ARSJ: variants seen among roughly 807,000 people sequenced by gnomAD.
ARSJ encodes arylsulfatase family member J.
Under a neutral mutation model 35.9 loss-of-function variants are expected in ARSJ, and 26 were observed. That is an observed-to-expected ratio of 0.72 (90% CI 0.53 to 1.00). The LOEUF (loss-of-function observed/expected upper bound fraction) is 1.00, where lower values mean the gene tolerates loss of function less well. Among genes scored for constraint, ARSJ ranks in the 50% least tolerant of loss-of-function variants. The pLI is 0.00. For synonymous variants in ARSJ, 294 were observed against 267.6 expected (o/e 1.10, Z -0.96); for missense variants, 667 against 723.6 (o/e 0.92, Z 0.90).
intron 1 of ARSJ, among the ~76,000 whole-genome samples, chr4:113,971,337 C>T (rs932750112): frequency 3.9e-5 from 6 of 152,298 alleles, no homozygotes; most frequent in Non-Finnish European, 8.8e-5. Flanking sequence ...CACAAGACAT[C>T]GTCAGCCTTC....
chr4:113,913,472 T>A (rs912188021), intron 1 of ARSJ, among the ~76,000 whole-genome samples: 1 of 152,126 alleles, frequency 6.6e-6, no homozygotes, highest in Admixed American at 6.6e-5. Flanking sequence ...AGACCCATAC[T>A]TCAAAAAAAT....
intron 1 of ARSJ, 45 bp from the exon 2 acceptor site, chr4:113,903,720 G>T: frequency 6.5e-7 from 1 of 1,527,036 alleles, no homozygotes; most frequent in South Asian, 1.3e-5. Flanking sequence ...GGATAAAAGA[G>T]ATATTCTACA....
At chr4:113,945,569 T>G (rs1725425616) in intron 1 of ARSJ, among the ~76,000 whole-genome samples, 1 of 152,102 alleles carries the variant, frequency 6.6e-6, no homozygotes, top group South Asian at 2.1e-4. Context: ...CAAATAGAAT[T>G]GATCCTAAGA....
intron 1 of ARSJ, among the ~76,000 whole-genome samples, chr4:113,954,170 A>G (rs2149276709): frequency 6.6e-6 from 1 of 152,158 alleles, no homozygotes; most frequent in East Asian, 1.9e-4. Flanking sequence ...GAATATATCC[A>G]TTACATATCT....
At chr4:113,907,703 G>A (rs978140604) in intron 1 of ARSJ, among the ~76,000 whole-genome samples, 3 of 152,044 alleles carry the variant, frequency 2.0e-5, no homozygotes, top group Admixed American at 6.6e-5. Flanking sequence ...CCCATAAATA[G>A]GAGATTGGAT....
chr4:113,970,285 T>C (rs1727159729), intron 1 of ARSJ, among the ~76,000 whole-genome samples: 2 of 152,168 alleles, frequency 1.3e-5, no homozygotes, highest in Admixed American at 6.5e-5. Context: ...ATAATTTTCA[T>C]AGGAGGCAGA....
chr4:113,912,461 G>A (rs10034790), intron 1 of ARSJ, among the ~76,000 whole-genome samples: 107,785 of 151,982 alleles, frequency 0.71, 38,981 homozygotes, highest in East Asian at 0.81. Flanking sequence ...AAGTGAAAAC[G>A]TATAGATGGT....
chr4:113,907,428 C>G lies in ARSJ; in HGVS notation c.399-3753G>C, dbSNP rs1240291704. On this transcript the variant is annotated intron_variant, in intron 1 of 1. Coordinates refer to ENST00000315366, the MANE Select transcript of ARSJ (RefSeq NM_024590.4). ...GCATTTGAAAGGGCTGCCTATTATT[C>G]TTTTTCAATAAAATAATGAAAAATC... 6.6e-5 allele frequency among the ~76,000 whole-genome samples: 10 copies of G among 152,208 alleles called. No homozygotes were observed. The East Asian group carries it at 1.9e-3, about 29-fold the overall frequency.
intron 1 of ARSJ, among the ~76,000 whole-genome samples, chr4:113,955,928 A>AT (rs1726153077): frequency 6.6e-6 from 1 of 152,096 alleles, no homozygotes; most frequent in Admixed American, 6.6e-5. Flanking sequence ...AGCAGCTAAT[A>AT]TTTTATGAGG....
Position 113,978,918 on chromosome 4 carries a change from T to C in ARSJ, c.-84A>G. ...GCGCACACATGCACCCAACAGACGG[T>C]GAAGACTCTCCACCTGGCAAGAAAT... is the stretch of plus-strand genomic sequence containing the variant. On this transcript the variant is annotated 5_prime_UTR_variant, in exon 1 of 2. Transcript: ENST00000315366. 1 of 1,406,924 alleles carries C rather than the reference T, an allele frequency of 7.1e-7. No individual in the cohort carries two copies. Among genetic ancestry groups the C allele is most frequent in the Non-Finnish European group, 9.6e-7 (1 of 1,043,638 alleles). 87.2% of individuals were successfully genotyped at this position (1,406,924 alleles called of 1,614,324 possible).
At chr4:113,927,277 T>C (rs983845602) in intron 1 of ARSJ, among the ~76,000 whole-genome samples, 5 of 152,150 alleles carry the variant, frequency 3.3e-5, no homozygotes, top group African/African-American at 1.2e-4. Context: ...ACTGGACCCA[T>C]AGAAATTTTA....
chr4:113,959,955 T>C (rs897558143), intron 1 of ARSJ, among the ~76,000 whole-genome samples: 4 of 152,032 alleles, frequency 2.6e-5, no homozygotes, highest in Admixed American at 6.6e-5. Context: ...ACTATGTTCA[T>C]TGGGGTATTA....
chr4:113,927,327 C>A (rs916760214), intron 1 of ARSJ, among the ~76,000 whole-genome samples: 33 of 152,284 alleles, frequency 2.2e-4, no homozygotes, highest in Middle Eastern at 6.8e-3. Context: ...GGATTTATTT[C>A]CCATCATCTG....
At chr4:113,956,338 T>C (rs1562368732) in intron 1 of ARSJ, among the ~76,000 whole-genome samples, 1 of 152,028 alleles carries the variant, frequency 6.6e-6, no homozygotes, top group Non-Finnish European at 1.5e-5. Context: ...TAATTGTTAA[T>C]CACTTAACAG....
chr4:113,949,205 G>GA (rs1161589299), intron 1 of ARSJ, among the ~76,000 whole-genome samples: 3 of 151,944 alleles, frequency 2.0e-5, no homozygotes, highest in Non-Finnish European at 4.4e-5. Flanking sequence ...GGGGCTAGGG[G>GA]AGGGATAGCA....
chr4:113,956,185 G>T (rs1280034083), intron 1 of ARSJ, among the ~76,000 whole-genome samples: 1 of 151,926 alleles, frequency 6.6e-6, no homozygotes, highest in African/African-American at 2.4e-5. Flanking sequence ...GATTTTGAAA[G>T]CGAAAGCAAG....
In ARSJ at chr4:113,978,520, C is replaced by T. The variant is rs1249552640; in HGVS notation, c.315G>A (p.Lys105=). The change falls in exon 1 of 2, where the codon AAG becomes AAA. Residue 105 remains lysine, a synonymous_variant. Coordinates refer to ENST00000315366, the MANE Select transcript of ARSJ (RefSeq NM_024590.4). ...GSEIKTPTLD[K]LAAEGVKLEN... is the part of the protein sequence containing the mutation. ...CCAGTTTAACTCCTTCGGCAGCGAG[C>T]TTGTCAAGAGTAGGTGTTTTAATCT... 2 of 1,614,138 alleles carry T rather than the reference C, an allele frequency of 1.2e-6. No homozygotes were observed. The highest frequency in any genetic ancestry group is 2.2e-5 in the South Asian group (2 of 91,080).
chr4:113,921,295 A>G (rs939371633), intron 1 of ARSJ, among the ~76,000 whole-genome samples: 2 of 152,172 alleles, frequency 1.3e-5, no homozygotes, highest in Non-Finnish European at 2.9e-5. Context: ...TTTCAGTAAG[A>G]GAAGGAAGAT....
rs150948824 is a variant in ARSJ, at chr4:113,940,714, C to T, written c.399-37039G>A. On this transcript the variant is annotated intron_variant, in intron 1 of 1. Coordinates refer to ENST00000315366, the MANE Select transcript of ARSJ (RefSeq NM_024590.4). ...AGGTGGAACTACCAAAGATGGATTTCGCCCACTTTAAAACTATGTCTAGAA... is the reference window on the plus strand; with the variant it reads ...AGGTGGAACTACCAAAGATGGATTTTGCCCACTTTAAAACTATGTCTAGAA... 5.5e-3 allele frequency among the ~76,000 whole-genome samples: 827 copies of T among 151,718 alleles called. 9 individuals are homozygous for T. Among genetic ancestry groups the T allele is most frequent in the African/African-American group, 0.018 (750 of 41,404 alleles).
Sources: gnomAD v4.1 joint callset for allele counts (sites outside exome capture counted in the v4.1 genomes callset) on GRCh38, gnomAD v4.1.1 for gene constraint, MANE v1.5 for transcripts, NCBI Gene and HGNC (gene_info 2026-07-23, HGNC 2026-07-21) for gene names.